The following DOCK1 variants were observed in gnomAD, a reference collection of about 807,000 sequenced individuals.
The protein encoded by DOCK1 is dedicator of cytokinesis protein 1.
A neutral mutation model predicts 262.7 loss-of-function variants in DOCK1; 138 were observed. The ratio of observed to expected loss-of-function variants is 0.53; its 90% confidence interval spans 0.46 to 0.61. DOCK1 has a LOEUF of 0.61. Among genes scored for constraint, DOCK1 ranks in the 20% least tolerant of loss-of-function variants. The probability of loss-of-function intolerance (pLI) is 0.00; values close to 1 mark genes in which losing one functional copy is unlikely to be tolerated. For synonymous variants in DOCK1, 866 were observed against 867.4 expected, an observed-to-expected ratio of 1.00 and a Z score of 0.03; for missense variants, 1,908 against 2,370.7, an observed-to-expected ratio of 0.80 and a Z score of 4.05.
chr10:126,907,451 AG>A lies in DOCK1; in HGVS notation c.46+1890del, dbSNP rs1289887412. 3.9e-5 allele frequency among the ~76,000 whole-genome samples: 6 copies of A among 152,074 alleles called. No homozygotes were observed. The East Asian group carries it at 1.2e-3, about 29-fold the overall frequency. ...TCACTGCTCCCATTCTACAGAGGCA[AG>A]GAAGAGGTGGATTGCTTGCCTGAGG... On this transcript the variant is annotated intron_variant, in intron 1 of 51. Coordinates refer to ENST00000623213, the MANE Select transcript of DOCK1 (RefSeq NM_001290223.2).
intron 23 of DOCK1, among the ~76,000 whole-genome samples, chr10:127,070,021 T>G (rs1456469782): frequency 6.6e-6 from 1 of 152,082 alleles, no homozygotes; most frequent in Non-Finnish European, 1.5e-5. Context: ...AGGTTTCTGG[T>G]GATCCTTGGT....
Position 127,218,088 on chromosome 10 carries a change from A to G in DOCK1, c.2848-29920A>G, listed in dbSNP as rs1311686749. 3.3e-5 allele frequency among the ~76,000 whole-genome samples: 5 copies of G among 152,234 alleles called. 1 individual carries two copies. The highest frequency in any genetic ancestry group is 7.3e-5 in the Non-Finnish European group (5 of 68,048). Reference sequence around the variant, plus strand: ...ATAAAATAAAAGTTGAAATTTTTAAAAAAGTATCTTTATGAAATCTAAAAA... The same window carrying G: ...ATAAAATAAAAGTTGAAATTTTTAAGAAAGTATCTTTATGAAATCTAAAAA... On this transcript the variant is annotated intron_variant, in intron 27 of 51. Transcript: ENST00000623213.
At chr10:127,438,248 A>G (rs1887097) in intron 48 of DOCK1, among the ~76,000 whole-genome samples, 68,359 of 152,024 alleles carry the variant, frequency 0.45, 15,946 homozygotes, top group African/African-American at 0.57. Context: ...AATCACAATC[A>G]TGTGTGGATA....
chr10:127,330,687 C>T (rs1221412139), intron 29 of DOCK1, among the ~76,000 whole-genome samples: 3 of 152,190 alleles, frequency 2.0e-5, no homozygotes, highest in Non-Finnish European at 4.4e-5. Flanking sequence ...GACCAGGAAG[C>T]GTAGCCTCCA....
At chr10:127,010,432 A>G (rs1282204292) in intron 11 of DOCK1, among the ~76,000 whole-genome samples, 3 of 152,194 alleles carry the variant, frequency 2.0e-5, no homozygotes, top group Non-Finnish European at 4.4e-5. Flanking sequence ...ACGCCACTGC[A>G]CTCCAGCCTG....
chr10:127,442,426 G>A lies in DOCK1; in HGVS notation c.5260-1700G>A, dbSNP rs556767246. On this transcript the variant is annotated intron_variant, in intron 49 of 51. Transcript: ENST00000623213. Reference sequence around the variant, plus strand: ...GAACGTTGACCCCTCCTTTTTGGCTGGGTTAATACGTTTTCTAATTACTCC... The same window carrying A: ...GAACGTTGACCCCTCCTTTTTGGCTAGGTTAATACGTTTTCTAATTACTCC... Among the ~76,000 whole-genome samples, 7 of 152,234 alleles carry A rather than the reference G, an allele frequency of 4.6e-5. No homozygotes were observed. The South Asian group carries it at 8.3e-4, about 18-fold the overall frequency.
chr10:126,949,518 A>G (rs1479463397), intron 1 of DOCK1, among the ~76,000 whole-genome samples: 5 of 152,108 alleles, frequency 3.3e-5, no homozygotes, highest in Non-Finnish European at 7.3e-5. Context: ...CCTTTTTCCC[A>G]GGGCATCAGT....
chr10:127,210,415 A>G (rs2057925419), intron 27 of DOCK1, among the ~76,000 whole-genome samples: 1 of 152,190 alleles, frequency 6.6e-6, no homozygotes, highest in African/African-American at 2.4e-5. Context: ...CTTCTGCAGG[A>G]TGTAGAACCG....
In DOCK1 at chr10:126,980,574, T is replaced by G. The variant is rs113104625; in HGVS notation, c.172-1344T>G. On this transcript the variant is annotated intron_variant, in intron 3 of 51. Transcript: ENST00000623213. ...CTCTCTGTGATAATTCTTCTTTATA[T>G]GGAATTTGGCCACTTTCCTTGTTGG... is the stretch of plus-strand genomic sequence containing the variant. 5.7e-4 allele frequency among the ~76,000 whole-genome samples: 87 copies of G among 152,162 alleles called. 2 individuals carry two copies. The highest frequency in any genetic ancestry group is 3.2e-3 in the Middle Eastern group (1 of 316).
Position 127,110,250 on chromosome 10 carries a change from A to G in DOCK1, c.2519A>G (p.Lys840Arg), listed in dbSNP as rs2048784340. The G allele has an allele frequency of 1.2e-6, 2 of 1,612,164 alleles. No individual in the cohort carries two copies. The highest frequency in any genetic ancestry group is 8.5e-7 in the Non-Finnish European group (1 of 1,179,202). ...KLVFDPKELSKMFTEFILNVP... is the reference protein window; with the variant it reads ...KLVFDPKELSRMFTEFILNVP... ...TTCCCTTGTGTTTTTCCTCACAGCA[A>G]AATGTTTACTGAATTCATCCTCAAT... Residue 840 changes from lysine (K) to arginine (R), a missense_variant and splice_region_variant, in exon 25 of 52, where the codon AAA (lysine) becomes AGA (arginine). This residue lies in a region of DOCK1 where 518 missense variants were observed against 575.1 expected (regional missense o/e 0.90). Transcript: ENST00000623213.
chr10:127,140,659 C>CACACCGAGTCTCTGGGTTGAGTTTGAT (rs1411852696), intron 27 of DOCK1, among the ~76,000 whole-genome samples: 3 of 137,972 alleles, frequency 2.2e-5, no homozygotes, highest in Admixed American at 6.8e-5. Flanking sequence ...TTGAGTTTGA[C>CACACCGAGTCTCTGGGTTGAGTTTGAT]ACACCGAGTC....
intron 6 of DOCK1, among the ~76,000 whole-genome samples, chr10:126,993,672 C>A (rs1466640776): frequency 6.6e-6 from 1 of 152,218 alleles, no homozygotes; most frequent in East Asian, 1.9e-4. Flanking sequence ...TGTTTTCATG[C>A]AGTGCAAAAA....
chr10:127,372,229 G>A (rs532753110), intron 33 of DOCK1, among the ~76,000 whole-genome samples: 1 of 152,286 alleles, frequency 6.6e-6, no homozygotes, highest in Admixed American at 6.5e-5. Flanking sequence ...TACTGATCGA[G>A]GACAGGCAGG....
At chr10:127,023,401 A>G in intron 14 of DOCK1, 77 bp downstream of exon 14, 2 of 1,575,470 alleles carry the variant, frequency 1.3e-6, no homozygotes, top group Non-Finnish European at 1.7e-6. Flanking sequence ...CTGCTACAGC[A>G]TAGATGTCGT....
At chr10:126,935,179 A>G (rs1307705811) in intron 1 of DOCK1, among the ~76,000 whole-genome samples, 1 of 152,232 alleles carries the variant, frequency 6.6e-6, no homozygotes, top group African/African-American at 2.4e-5. Flanking sequence ...AAAAGCCTCA[A>G]TTAGGATGTT....
chr10:126,948,757 C>T (rs1009780749), intron 1 of DOCK1, among the ~76,000 whole-genome samples: 6 of 152,032 alleles, frequency 3.9e-5, no homozygotes, highest in African/African-American at 1.4e-4. Flanking sequence ...CCCAAGCTTC[C>T]CCTCCCTGGA....
intron 48 of DOCK1, 146 bp downstream of exon 48, chr10:127,433,574 CTT>C: frequency 8.5e-7 from 1 of 1,177,688 alleles, no homozygotes; most frequent in Non-Finnish European, 1.2e-6. Flanking sequence ...CCCTCCGAGA[CTT>C]TCTGACCGTA....
rs773935135 is a variant in DOCK1 at position 127,061,686 on chromosome 10, A to G, written c.2355A>G (p.Gly785=). ...ILFNQLYENK[G]EADFVESLLQ... is the part of the protein sequence containing the mutation. ...TTTGCAGACTGTATGAAAACAAGGGAGAGGCTGACTTCGTGGAATCTTTGC... is the reference window on the plus strand; with the variant it reads ...TTTGCAGACTGTATGAAAACAAGGGGGAGGCTGACTTCGTGGAATCTTTGC... Residue 785 remains glycine, a synonymous_variant, in exon 23 of 52, where the codon GGA becomes GGG. Coordinates refer to ENST00000623213, the MANE Select transcript of DOCK1 (RefSeq NM_001290223.2). The G allele has an allele frequency of 6.3e-7, 1 of 1,599,732 alleles. No individual in the cohort carries two copies. The highest frequency in any genetic ancestry group is 1.1e-5 in the South Asian group (1 of 87,768).
intron 38 of DOCK1, among the ~76,000 whole-genome samples, chr10:127,396,898 A>G (rs1230992949): frequency 2.6e-5 from 4 of 152,030 alleles, no homozygotes; most frequent in African/African-American, 9.7e-5. Context: ...AGTGACTCCT[A>G]TGTGATCTGA....
Sources: gnomAD v4.1 joint callset for allele counts (sites outside exome capture counted in the v4.1 genomes callset) on GRCh38, gnomAD v4.1.1 for gene constraint, gnomAD v4.1.1 regional missense constraint, MANE v1.5 for transcripts, NCBI Gene and HGNC (gene_info 2026-07-23, HGNC 2026-07-21) for gene names.